The following ZNG1B variants were observed in gnomAD, a reference collection of about 807,000 sequenced individuals.
The protein encoded by ZNG1B is Zn regulated GTPase metalloprotein activator 1B, also known as zinc-regulated GTPase metalloprotein activator 1B.
the ZNG1B span, among the ~76,000 whole-genome samples, chr2:113,492,268 G>GTAA: frequency 6.5e-4 from 91 of 139,980 alleles, 7 homozygotes; most frequent in African/African-American, 2.3e-3. Context: ...CGTGGATAAA[G>GTAA]TAACTGTGAT....
chr2:113,487,213 T>C, the ZNG1B span, among the ~76,000 whole-genome samples: 2 of 152,212 alleles, frequency 1.3e-5, no homozygotes, highest in Non-Finnish European at 2.9e-5. Flanking sequence ...ATATATGCTG[T>C]ACAGGTTTGT....
the ZNG1B span, among the ~76,000 whole-genome samples, chr2:113,475,614 G>A: frequency 1.3e-5 from 2 of 151,852 alleles, no homozygotes; most frequent in African/African-American, 4.8e-5. Context: ...GCATGATTCT[G>A]CAGTGGCTGG....
At chr2:113,462,363 T>C in the ZNG1B span, 1 of 1,557,214 alleles carries the variant, frequency 6.4e-7, no homozygotes. Context: ...TGCATGCGTG[T>C]ATATTATTTA....
chr2:113,482,105 G>C, the ZNG1B span: 1 of 687,356 alleles, frequency 1.5e-6, no homozygotes, highest in Non-Finnish European at 2.4e-6. Context: ...CATTATCCTT[G>C]TGTCACTAAA....
At chr2:113,461,368 C>G in the ZNG1B span, among the ~76,000 whole-genome samples, 43 of 152,166 alleles carry the variant, frequency 2.8e-4, 1 homozygote, top group South Asian at 7.7e-3. Flanking sequence ...AGGCATGAAT[C>G]CACTGTGCCT....
the ZNG1B span, among the ~76,000 whole-genome samples, chr2:113,473,221 C>T: frequency 6.6e-6 from 1 of 151,950 alleles, no homozygotes; most frequent in Non-Finnish European, 1.5e-5. Flanking sequence ...AAGTCAGATT[C>T]CTAGGTATTT....
chr2:113,484,853 T>A, the ZNG1B span, among the ~76,000 whole-genome samples: 3 of 150,524 alleles, frequency 2.0e-5, no homozygotes, highest in Non-Finnish European at 4.4e-5. Context: ...TTTTTTTTTT[T>A]AGTAGAGATG....
the ZNG1B span, among the ~76,000 whole-genome samples, chr2:113,450,348 T>C: frequency 6.9e-6 from 1 of 144,444 alleles, no homozygotes; most frequent in African/African-American, 2.6e-5. Flanking sequence ...ACCTTTGCAT[T>C]TACTGTGATC....
chr2:113,474,180 A>C, the ZNG1B span, among the ~76,000 whole-genome samples: 1 of 152,146 alleles, frequency 6.6e-6, no homozygotes, highest in Admixed American at 6.5e-5. Flanking sequence ...TTATTGGTCT[A>C]TTCAGAGATT....
At chr2:113,441,053 A>C in the ZNG1B span, among the ~76,000 whole-genome samples, 1 of 151,576 alleles carries the variant, frequency 6.6e-6, no homozygotes, top group Admixed American at 6.6e-5. Context: ...ATGTTGAAAT[A>C]AAAGGTCATT....
chr2:113,494,920 A>G, the ZNG1B span: 1 of 889,206 alleles, frequency 1.1e-6, no homozygotes, highest in Non-Finnish European at 1.4e-6. Context: ...ATCAATACAC[A>G]GAAACCTTTT....
chr2:113,445,221 A>AG, the ZNG1B span: 3 of 778,990 alleles, frequency 3.9e-6, no homozygotes, highest in African/African-American at 5.3e-5. Context: ...TTTCTTTGGC[A>AG]GTTGAATGAA....
chr2:113,485,360 T>C, the ZNG1B span, among the ~76,000 whole-genome samples: 1 of 137,478 alleles, frequency 7.3e-6, no homozygotes, highest in Admixed American at 7.6e-5. Context: ...CAAGCAGTGC[T>C]GTCTAGGAGT....
At chr2:113,444,655 T>A in the ZNG1B span, among the ~76,000 whole-genome samples, 1 of 151,960 alleles carries the variant, frequency 6.6e-6, no homozygotes, top group Non-Finnish European at 1.5e-5. Context: ...TTATTTTGTA[T>A]GTTGGTTTTT....
At chr2:113,444,951 T>C in the ZNG1B span, 1 of 1,609,496 alleles carries the variant, frequency 6.2e-7, no homozygotes, top group Non-Finnish European at 8.5e-7. Flanking sequence ...AATGATGTTT[T>C]GGTATTCTCC....
the ZNG1B span, among the ~76,000 whole-genome samples, chr2:113,459,738 A>G: frequency 4.8e-4 from 72 of 151,234 alleles, 1 homozygote; most frequent in African/African-American, 1.7e-3. Context: ...CTTCAAATAG[A>G]GAGTATTACT....
At chr2:113,450,031 G>C in the ZNG1B span, among the ~76,000 whole-genome samples, 12 of 147,790 alleles carry the variant, frequency 8.1e-5, no homozygotes, top group Non-Finnish European at 1.5e-5. Flanking sequence ...CTGTAGAAAA[G>C]TCTGATTTTT....
chr2:113,451,105 C>T, the ZNG1B span, among the ~76,000 whole-genome samples: 4,115 of 149,476 alleles, frequency 0.028, no homozygotes, highest in Middle Eastern at 0.042. Flanking sequence ...ATGGTTAAAA[C>T]TCACTCTTGA....
At chr2:113,439,874 ATTTTTTTTTTTT>A in the ZNG1B span, among the ~76,000 whole-genome samples, 4 of 68,880 alleles carry the variant, frequency 5.8e-5, no homozygotes, top group Non-Finnish European at 1.1e-4. Context: ...CCTTCCCTTA[ATTTTTTTTTTTT>A]TTTTTTTTTT....
Sources: gnomAD v4.1 joint callset for allele counts (sites outside exome capture counted in the v4.1 genomes callset) on GRCh38, gnomAD v4.1.1 for gene constraint, MANE v1.5 for transcripts, NCBI Gene and HGNC (gene_info 2026-07-23, HGNC 2026-07-21) for gene names.